The following SCN10A variants were observed in gnomAD, a reference collection of about 807,000 sequenced individuals.
SCN10A encodes the protein sodium voltage-gated channel alpha subunit 10.
In SCN10A, 162 loss-of-function variants were observed where a neutral mutation model predicts 170.7. The observed-to-expected ratio is 0.95, with a 90% confidence interval of 0.84 to 1.08. SCN10A has a LOEUF of 1.08. SCN10A is among the 50% of genes least tolerant of loss of function. The pLI, the probability that SCN10A is intolerant of heterozygous loss-of-function variation, is 0.00. For missense variants in SCN10A, 2,527 were observed against 2,436.9 expected, an observed-to-expected ratio of 1.04 and a Z score of -0.78; for synonymous variants, 985 against 904.6, an observed-to-expected ratio of 1.09 and a Z score of -1.59.
chr3:38,763,345 A>T (rs922747451), intron 6 of SCN10A, among the ~76,000 whole-genome samples, 160 bp downstream of exon 6: 1 of 152,166 alleles, frequency 6.6e-6, no homozygotes, highest in African/African-American at 2.4e-5. Context: ...ACTAGTGAAG[A>T]GGCCTTGGGT....
At chr3:38,769,023 T>C (rs1476462760) in intron 5 of SCN10A, among the ~76,000 whole-genome samples, 1 of 152,174 alleles carries the variant, frequency 6.6e-6, no homozygotes, top group Non-Finnish European at 1.5e-5. Context: ...AAGTTCTTTC[T>C]TCTACTTGTT....
chr3:38,698,485 G>A lies in SCN10A; in HGVS notation c.4735C>T (p.Arg1579Ter), dbSNP rs751743006. 9.9e-6 allele frequency: 16 copies of A among 1,614,176 alleles called. No homozygotes were observed. Among genetic ancestry groups the A allele is most frequent in the Middle Eastern group, 1.6e-4 (1 of 6,062 alleles). The change falls in exon 28 of 28, where the codon CGA becomes TGA. Residue 1579 changes from arginine (R) to a stop codon, truncating the protein, a stop_gained. Coordinates refer to ENST00000449082, the MANE Select transcript of SCN10A (RefSeq NM_006514.4). LOFTEE classifies it high-confidence loss of function. ...ATCAGTCTGAGGATGCGGCCAATTC[G>A]GGCCAGGCGGATGACTCTGAAGAGC... The part of the protein sequence containing the change: ...PTLFRVIRLA[R>*]IGRILRLIRA...
intron 15 of SCN10A, among the ~76,000 whole-genome samples, chr3:38,736,973 T>TTTTTTTTTG (rs2063570054): frequency 1.0e-5 from 1 of 100,198 alleles, no homozygotes; most frequent in Non-Finnish European, 2.1e-5. Flanking sequence ...GTTTTTTTTT[T>TTTTTTTTTG]TTTTTTTTTT....
At chr3:38,771,694 G>T (rs2064002597) in intron 4 of SCN10A, among the ~76,000 whole-genome samples, 1 of 152,220 alleles carries the variant, frequency 6.6e-6, no homozygotes, top group East Asian at 1.9e-4. Flanking sequence ...AGCGGGTGAA[G>T]AGCAAGGATT....
intron 22 of SCN10A, among the ~76,000 whole-genome samples, chr3:38,713,168 G>A (rs2063294654): frequency 6.6e-6 from 1 of 152,186 alleles, no homozygotes; most frequent in Admixed American, 6.5e-5. Context: ...AGGCAGTTAG[G>A]GCAAGGTGGA....
chr3:38,730,520 G>T (rs2063503661), intron 15 of SCN10A, among the ~76,000 whole-genome samples: 1 of 152,156 alleles, frequency 6.6e-6, no homozygotes, highest in Non-Finnish European at 1.5e-5. Context: ...ATGAGATCTT[G>T]AAGAAACCAC....
chr3:38,752,287 T>C lies in SCN10A; in HGVS notation c.1687A>G (p.Arg563Gly). ...GGTTGGTGTTCATCTTCTCCATGCC[T>C]GGAGTCAGGGTTGCTGGGTTGAGGA... is the stretch of plus-strand genomic sequence containing the variant. ...PLPQPSNPDSRHGEDEHQPPP... is the reference protein window; with the variant it reads ...PLPQPSNPDSGHGEDEHQPPP... The change falls in exon 12 of 28, where the codon AGG (arginine) becomes GGG (glycine). Residue 563 changes from arginine to glycine, a missense_variant. Transcript: ENST00000449082. The C allele has an allele frequency of 3.7e-6, 6 of 1,602,704 alleles. No individual in the cohort carries two copies. The highest frequency in any genetic ancestry group is 5.1e-6 in the Non-Finnish European group (6 of 1,174,214).
intron 11 of SCN10A, 84 bp from the exon 12 acceptor site, chr3:38,752,596 C>T: frequency 4.4e-6 from 5 of 1,137,098 alleles, no homozygotes; most frequent in Non-Finnish European, 4.8e-6. Context: ...CTACCTACTC[C>T]CATTTCCCTG....
At chr3:38,763,705 T>C (rs2126034513) in intron 5 of SCN10A, 109 bp from the exon 6 acceptor site, 1 of 767,364 alleles carries the variant, frequency 1.3e-6, no homozygotes, top group Non-Finnish European at 2.3e-6. Flanking sequence ...GGATGCAGAA[T>C]GGACACTTAG....
chr3:38,697,358 A>G lies in SCN10A; in HGVS notation c.5862T>C (p.Pro1954=), dbSNP rs2063099900. The G allele has an allele frequency of 2.5e-6, 4 of 1,613,602 alleles. No individual in the cohort carries two copies. In the South Asian group the frequency reaches 3.3e-5, roughly 13 times the overall value. The change falls in exon 28 of 28, where the codon CCT becomes CCC. Residue 1954 remains proline (P), a synonymous_variant. Transcript: ENST00000449082. Reference sequence around the variant, plus strand: ...GGCTGGAGTGTTCTCACTAGGGCCCAGGGGCAATCAGCTCCATACTGGTGG... The same window carrying G: ...GGCTGGAGTGTTCTCACTAGGGCCCGGGGGCAATCAGCTCCATACTGGTGG... ...DEATSMELIA[P]GP
At chr3:38,746,356 A>T (rs1239968092) in intron 13 of SCN10A, among the ~76,000 whole-genome samples, 1 of 151,868 alleles carries the variant, frequency 6.6e-6, no homozygotes, top group Non-Finnish European at 1.5e-5. Flanking sequence ...TATGCCCCTT[A>T]GATAGCTCTC....
Position 38,756,692 on chromosome 3 carries a change from C to T in SCN10A, c.1272G>A (p.Met424Ile), listed in dbSNP as rs2063809699. 1 of 1,613,946 alleles carries T rather than the reference C, an allele frequency of 6.2e-7. No individual in the cohort carries two copies. Residue 424 changes from methionine to isoleucine, a missense_variant, in exon 10 of 28, where the codon ATG becomes ATA. By Grantham distance (10) the Met-to-Ile change is conservative (BLOSUM62 1). Transcript: ENST00000449082. ...CACAAACCTCCTGCTCCTTCCGGAG[C>T]ATCTCGAGGGCCTCCTGGAACTTCT... ...KEKKFQEALEMLRKEQEVLAA... is the reference protein window; with the variant it reads ...KEKKFQEALEILRKEQEVLAA...
chr3:38,703,549 T>C (rs573030624), intron 26 of SCN10A, among the ~76,000 whole-genome samples: 1 of 152,338 alleles, frequency 6.6e-6, no homozygotes, highest in South Asian at 2.1e-4. Flanking sequence ...CATGAATGAC[T>C]TCCCATAATA....
Position 38,756,667 on chromosome 3 carries a change from C to CA in SCN10A, c.1290+6dup, listed in dbSNP as rs767579929. On this transcript the variant is annotated splice_region_variant and intron_variant, in intron 10 of 27. Transcript: ENST00000449082. ...CCTTCTTCACAAAGCTTCCACTCCT[C>CA]ACAAACCTCCTGCTCCTTCCGGAGC... is the stretch of plus-strand genomic sequence containing the variant. 6.2e-7 allele frequency: 1 copy of CA among 1,611,914 alleles called. No individual in the cohort carries two copies. Among genetic ancestry groups the CA allele is most frequent in the South Asian group, 1.1e-5 (1 of 91,050 alleles).
At chr3:38,723,840 CCTG>C (rs1463356447) in intron 18 of SCN10A, among the ~76,000 whole-genome samples, 1 of 152,220 alleles carries the variant, frequency 6.6e-6, no homozygotes, top group Non-Finnish European at 1.5e-5. Context: ...GCTGCAGGGG[CCTG>C]CTGCCCTCCT....
rs1358993123 is a variant in SCN10A at position 38,698,471 on chromosome 3, G to C, written c.4749C>G (p.Ile1583Met). ...CCTTGGCCGCTCGGATCAGTCTGAG[G>C]ATGCGGCCAATTCGGGCCAGGCGGA... ...RVIRLARIGR[I>M]LRLIRAAKGI... Residue 1583 changes from isoleucine (I) to methionine (M), a missense_variant, in exon 28 of 28, where the codon ATC becomes ATG. Physicochemically the swap from Ile to Met is conservative, Grantham distance 10. Coordinates refer to ENST00000449082, the MANE Select transcript of SCN10A (RefSeq NM_006514.4). 6.2e-7 allele frequency: 1 copy of C among 1,614,210 alleles called. No individual in the cohort carries two copies. Among genetic ancestry groups the C allele is most frequent in the East Asian group, 2.2e-5 (1 of 44,888 alleles).
At chr3:38,804,580 T>A (rs1475163271) in intron 1 of SCN10A, among the ~76,000 whole-genome samples, 1 of 152,126 alleles carries the variant, frequency 6.6e-6, no homozygotes, top group African/African-American at 2.4e-5. Flanking sequence ...GAAATCTGGA[T>A]GGGTATGTAT....
intron 15 of SCN10A, among the ~76,000 whole-genome samples, chr3:38,734,707 A>G (rs2063542885): frequency 6.6e-6 from 1 of 152,230 alleles, no homozygotes; most frequent in African/African-American, 2.4e-5. Context: ...TTATCTTTAA[A>G]AAAAGCCTGC....
At chr3:38,763,250 G>T (rs79696334) in intron 6 of SCN10A, among the ~76,000 whole-genome samples, 1 of 152,126 alleles carries the variant, frequency 6.6e-6, no homozygotes, top group Non-Finnish European at 1.5e-5. Context: ...CTCCTGTTAC[G>T]TATTGATTGT....
Sources: allele counts gnomAD v4.1 joint callset (sites outside exome capture counted in the v4.1 genomes callset), GRCh38; gene constraint gnomAD v4.1.1; transcripts MANE v1.5; gene names NCBI Gene and HGNC (gene_info 2026-07-23, HGNC 2026-07-21).